The following UHRF2 variants were observed in gnomAD, a reference collection of about 807,000 sequenced individuals.
UHRF2 encodes the protein ubiquitin like with PHD and ring finger domains 2.
A neutral mutation model predicts 96.8 loss-of-function variants in UHRF2; 23 were observed. The ratio of observed to expected loss-of-function variants is 0.24; its 90% confidence interval spans 0.17 to 0.34. UHRF2 has a LOEUF of 0.34. UHRF2 is among the 10% of genes least tolerant of loss of function. UHRF2 has a pLI of 1.00. For synonymous variants in UHRF2, 385 were observed against 332.6 expected, an observed-to-expected ratio of 1.16 and a Z score of -1.72; for missense variants, 685 against 981.5, an observed-to-expected ratio of 0.70 and a Z score of 4.04.
At chr9:6,441,987 G>T (rs1271108726) in intron 3 of UHRF2, among the ~76,000 whole-genome samples, 1 of 152,078 alleles carries the variant, frequency 6.6e-6, no homozygotes, top group Non-Finnish European at 1.5e-5. Context: ...CGAGATCTAA[G>T]GTTTTTCTTG....
intron 3 of UHRF2, among the ~76,000 whole-genome samples, chr9:6,443,410 AGAGAGCTAGTAAG>A (rs1821298319): frequency 6.6e-6 from 1 of 152,266 alleles, no homozygotes; most frequent in Non-Finnish European, 1.5e-5. Context: ...GCTCAGTGTT[AGAGAGCTAGTAAG>A]TAGCAGGCAG....
At chr9:6,442,426 A>T (rs976214782) in intron 3 of UHRF2, among the ~76,000 whole-genome samples, 1 of 151,918 alleles carries the variant, frequency 6.6e-6, no homozygotes, top group Non-Finnish European at 1.5e-5. Flanking sequence ...CAATCAGTTC[A>T]AAAGTTCTCT....
intron 2 of UHRF2, among the ~76,000 whole-genome samples, chr9:6,426,427 T>C (rs973595089): frequency 1.3e-5 from 2 of 152,240 alleles, no homozygotes; most frequent in African/African-American, 4.8e-5. Flanking sequence ...TGGAATCTAG[T>C]AATAAAATTC....
At chr9:6,426,651 C>G (rs990047847) in intron 2 of UHRF2, among the ~76,000 whole-genome samples, 1 of 152,126 alleles carries the variant, frequency 6.6e-6, no homozygotes, top group South Asian at 2.1e-4. Flanking sequence ...TGTTTGTAAT[C>G]GGTATTCTGC....
At chr9:6,425,735 G>A (rs1820219291) in intron 2 of UHRF2, among the ~76,000 whole-genome samples, 1 of 151,494 alleles carries the variant, frequency 6.6e-6, no homozygotes, top group South Asian at 2.1e-4. Flanking sequence ...TGCACTCCAA[G>A]CCTGGGTGAG....
chr9:6,477,719 C>A lies in UHRF2; in HGVS notation c.1071C>A (p.Asn357Lys). Residue 357 changes from asparagine to lysine, a missense_variant, in exon 6 of 16, where the codon AAC (asparagine) becomes AAA (lysine). Physicochemically the swap from Asn to Lys is moderately conservative, Grantham distance 94. Transcript: ENST00000276893. ...TATGTGGTGGGAAACATGAACCCAA[C>A]ATGCAGCTTCTGTGTGATGAATGTA... ...CRVCGGKHEP[N>K]MQLLCDECNV... 6.2e-7 allele frequency: 1 copy of A among 1,614,132 alleles called. No homozygotes were observed. Among genetic ancestry groups the A allele is most frequent in the Non-Finnish European group, 8.5e-7 (1 of 1,180,004 alleles).
chr9:6,470,521 G>A (rs1823178760), intron 4 of UHRF2, among the ~76,000 whole-genome samples: 1 of 152,126 alleles, frequency 6.6e-6, no homozygotes, highest in African/African-American at 2.4e-5. Flanking sequence ...TAAGTGGGAG[G>A]AATGAGATTC....
chr9:6,413,650 C>G lies in UHRF2; in HGVS notation c.153+7C>G. On this transcript the variant is annotated splice_region_variant and intron_variant, in intron 1 of 15. Transcript: ENST00000276893. ...CTTCTACCGGGGCAAGCAGGTGAGG[C>G]GCGCCCGCCGCGCCCCTAGCGAGGC... 1 of 1,549,192 alleles carries G rather than the reference C, an allele frequency of 6.5e-7. No individual in the cohort carries two copies. The highest frequency in any genetic ancestry group is 1.2e-5 in the South Asian group (1 of 84,694).
intron 8 of UHRF2, 55 bp downstream of exon 8, chr9:6,482,154 C>T: frequency 7.3e-7 from 1 of 1,375,072 alleles, no homozygotes; most frequent in Non-Finnish European, 1.0e-6. Flanking sequence ...CAGATTATAG[C>T]AATGTTAATG....
At chr9:6,476,783 C>T (rs949189127) in intron 5 of UHRF2, among the ~76,000 whole-genome samples, 1 of 151,930 alleles carries the variant, frequency 6.6e-6, no homozygotes, top group Non-Finnish European at 1.5e-5. Flanking sequence ...TTAGCAGGGA[C>T]GGGGTTTCAC....
chr9:6,501,437 C>G (rs1199781858), intron 14 of UHRF2, among the ~76,000 whole-genome samples: 1 of 152,066 alleles, frequency 6.6e-6, no homozygotes, highest in Non-Finnish European at 1.5e-5. Flanking sequence ...TTGATGTGCC[C>G]CCATGTCTGT....
chr9:6,442,314 T>G (rs1362021745), intron 3 of UHRF2, among the ~76,000 whole-genome samples: 2 of 152,194 alleles, frequency 1.3e-5, no homozygotes, highest in African/African-American at 4.8e-5. Context: ...GAAATAGATG[T>G]CAGATTCTTC....
intron 1 of UHRF2, 151 bp downstream of exon 1, chr9:6,413,794 G>A: frequency 9.8e-7 from 1 of 1,020,184 alleles, no homozygotes; most frequent in Non-Finnish European, 1.3e-6. Context: ...CGCGGGGTGC[G>A]GGGCCCAGTC....
chr9:6,459,792 G>A (rs1211911582), intron 3 of UHRF2, among the ~76,000 whole-genome samples: 2 of 152,334 alleles, frequency 1.3e-5, no homozygotes, highest in East Asian at 1.9e-4. Context: ...CATGAACATA[G>A]TAAGACCCTG....
intron 2 of UHRF2, among the ~76,000 whole-genome samples, chr9:6,429,187 T>C (rs1033736853): frequency 6.6e-6 from 1 of 150,846 alleles, no homozygotes; most frequent in Admixed American, 6.6e-5. Flanking sequence ...AAAAGGAAGA[T>C]GGTACAATGA....
intron 6 of UHRF2, 111 bp from the exon 7 acceptor site, chr9:6,481,532 A>G: frequency 7.8e-7 from 1 of 1,280,250 alleles, no homozygotes; most frequent in Non-Finnish European, 1.1e-6. Flanking sequence ...TCTGTAATGT[A>G]TACCAAATAA....
chr9:6,431,578 C>G (rs1820564675), intron 2 of UHRF2, among the ~76,000 whole-genome samples: 1 of 151,474 alleles, frequency 6.6e-6, no homozygotes, highest in African/African-American at 2.4e-5. Flanking sequence ...GATAGCCTGT[C>G]TTAAAAAAAA....
rs756110491 is a variant in UHRF2 at position 6,486,832 on chromosome 9, A to C, written c.1404A>C (p.Ala468=). ...TAATTGTTTTATAGGTGAGCGAAGC[A>C]GGTGTTCACAGACCCCATGTTGGTG... ...TWRFRVQVSE[A]GVHRPHVGGI... Residue 468 remains alanine (A), a synonymous_variant, in exon 9 of 16, where the codon GCA becomes GCC. Transcript: ENST00000276893. 131 of 1,613,984 alleles carry C rather than the reference A, an allele frequency of 8.1e-5. No individual in the cohort carries two copies. In the East Asian group the frequency reaches 2.9e-3, roughly 36 times the overall value.
intron 12 of UHRF2, 165 bp downstream of exon 12, chr9:6,498,323 G>A: frequency 1.3e-6 from 1 of 770,646 alleles, no homozygotes; most frequent in South Asian, 3.0e-5. Flanking sequence ...AGAAAAGGTA[G>A]TATCCTAGAT....
Sources: gnomAD v4.1 joint callset for allele counts (sites outside exome capture counted in the v4.1 genomes callset) on GRCh38, gnomAD v4.1.1 for gene constraint, MANE v1.5 for transcripts, NCBI Gene and HGNC (gene_info 2026-07-23, HGNC 2026-07-21) for gene names.